Variants in ANXA2 observed in about 807,000 individuals in gnomAD.
ANXA2 encodes annexin A2.
Under a neutral mutation model 47.3 loss-of-function variants are expected in ANXA2, and 28 were observed. That is an observed-to-expected ratio of 0.59 (90% CI 0.44 to 0.81). The LOEUF is 0.81. ANXA2 is among the 40% of genes least tolerant of loss of function. The pLI, the probability that ANXA2 is intolerant of heterozygous loss-of-function variation, is 0.00. For synonymous variants in ANXA2, 172 were observed against 155.5 expected (o/e 1.11, Z -0.79); for missense variants, 384 against 414.3 (o/e 0.93, Z 0.64).
intron 1 of ANXA2, 80 bp from the exon 2 acceptor site, chr15:60,386,166 T>C: frequency 1.0e-6 from 1 of 989,890 alleles, no homozygotes; most frequent in Non-Finnish European, 1.6e-6. Context: ...TATGCTAATT[T>C]CTACTCCTTG....
At chr15:60,388,414 T>C (rs1389097955) in intron 1 of ANXA2, among the ~76,000 whole-genome samples, 1 of 152,194 alleles carries the variant, frequency 6.6e-6, no homozygotes, top group Non-Finnish European at 1.5e-5. Flanking sequence ...GGTCTTGCTA[T>C]GTTGCCCAGG....
At chr15:60,382,251 G>A (rs1451186350) in intron 3 of ANXA2, 91 bp downstream of exon 3, 7 of 951,720 alleles carry the variant, frequency 7.4e-6, no homozygotes, top group African/African-American at 1.6e-5. Flanking sequence ...ATTTCAAATC[G>A]CCAACGTATG....
chr15:60,387,195 G>C (rs932489635), intron 1 of ANXA2: 2 of 152,162 alleles, frequency 1.3e-5, no homozygotes, highest in African/African-American at 4.8e-5. Flanking sequence ...GAGAGGATTC[G>C]CCTTTAGTTG....
At chr15:60,363,396 G>A (rs1450039118) in intron 4 of ANXA2, among the ~76,000 whole-genome samples, 1 of 152,124 alleles carries the variant, frequency 6.6e-6, no homozygotes, top group Non-Finnish European at 1.5e-5. Context: ...CAACTCCCAG[G>A]ACCCTGCTGG....
intron 1 of ANXA2, among the ~76,000 whole-genome samples, chr15:60,391,737 A>G (rs2063013989): frequency 1.3e-5 from 2 of 152,060 alleles, no homozygotes; most frequent in African/African-American, 4.8e-5. Flanking sequence ...ACCTCTACTC[A>G]CTCCTCATCA....
In ANXA2 at chr15:60,386,104, C is replaced by T. The variant is rs1419109063; in HGVS notation, c.-11-18G>A. On this transcript the variant is annotated intron_variant, in intron 1 of 12. Transcript: ENST00000451270. ...GAAGGAAGCTGGAAAAAAAGTACAA[C>T]AAAAAGTCTTTATGAAGAGGCTCTC... 2 of 1,590,308 alleles carry T rather than the reference C, an allele frequency of 1.3e-6. No homozygotes were observed. The highest frequency in any genetic ancestry group is 1.7e-6 in the Non-Finnish European group (2 of 1,160,514).
chr15:60,380,842 G>A (rs1011659012), intron 3 of ANXA2, among the ~76,000 whole-genome samples: 2 of 149,514 alleles, frequency 1.3e-5, no homozygotes, highest in African/African-American at 2.5e-5. Flanking sequence ...TTTTTTAAAG[G>A]TCTAATTTGG....
chr15:60,371,031 A>T (rs1465951739), intron 3 of ANXA2, among the ~76,000 whole-genome samples: 2 of 152,180 alleles, frequency 1.3e-5, no homozygotes, highest in African/African-American at 4.8e-5. Context: ...CAGATTTTTT[A>T]CAATTTTTTT....
At position 60,357,184 on chromosome 15, in the gene ANXA2, T is replaced by C; in HGVS notation, c.410A>G (p.Asn137Ser). The C allele has an allele frequency of 1.2e-6, 2 of 1,614,206 alleles. No individual in the cohort carries two copies. The highest frequency in any genetic ancestry group is 1.7e-6 in the Non-Finnish European group (2 of 1,180,044). ...TCTGTTAATTTCCTGCAGCTCCTGG[T>C]TGGTTCTGGAGCAGATGATCTCAAT... ...SLIEIICSRT[N>S]QELQEINRVY... Residue 137 changes from asparagine (N) to serine (S), a missense_variant, in exon 6 of 13, where the codon AAC (asparagine) becomes AGC (serine). By Grantham distance (46) the Asn-to-Ser change is conservative. Transcript: ENST00000451270.
intron 3 of ANXA2, among the ~76,000 whole-genome samples, chr15:60,374,933 G>C (rs951529358): frequency 2.0e-5 from 3 of 152,362 alleles, no homozygotes; most frequent in Admixed American, 6.5e-5. Context: ...ACTCAGACCT[G>C]CTCTTGTTGG....
In ANXA2 at chr15:60,352,166, A is replaced by G. The variant is rs2062359646; in HGVS notation, c.682+217T>C. 6.6e-6 allele frequency among the ~76,000 whole-genome samples: 1 copy of G among 152,226 alleles called. No homozygotes were observed. Among genetic ancestry groups the G allele is most frequent in the Non-Finnish European group, 1.5e-5 (1 of 68,038 alleles). On this transcript the variant is annotated intron_variant, in intron 9 of 12. Coordinates refer to ENST00000451270, the MANE Select transcript of ANXA2 (RefSeq NM_004039.3). This position sits in a 1 kb window ranked among gnomAD's most constrained non-coding sequence, Gnocchi z 4.2. Reference sequence around the variant, plus strand: ...GGCAAGACCAAATGATCATCAAACAAGAAGGAGCTGCAGAATAAAGCACCA... The same window carrying G: ...GGCAAGACCAAATGATCATCAAACAGGAAGGAGCTGCAGAATAAAGCACCA...
chr15:60,374,980 G>A (rs1261171891), intron 3 of ANXA2, among the ~76,000 whole-genome samples: 1 of 152,204 alleles, frequency 6.6e-6, no homozygotes, highest in Non-Finnish European at 1.5e-5. Flanking sequence ...TTAGAGGAGA[G>A]AGGCTACTTT....
At position 60,351,400 on chromosome 15, in the gene ANXA2, T is replaced by C. The variant is rs748858842; in HGVS notation, c.779-149A>G. On this transcript the variant is annotated intron_variant, in intron 10 of 12. Coordinates refer to ENST00000451270, the MANE Select transcript of ANXA2 (RefSeq NM_004039.3). ...AAAATAGGACAGGCTAAGGGAAATC[T>C]AGAAATCCTCTGCAATACTAAGTTC... is the stretch of plus-strand genomic sequence containing the variant. The C allele has an allele frequency of 4.3e-4, 326 of 756,382 alleles. 2 individuals are homozygous for C. Among genetic ancestry groups the C allele is most frequent in the Non-Finnish European group, 5.9e-4 (270 of 457,170 alleles). The allele number at this position is 756,382 out of a possible 1,614,324, so 46.9% of individuals were successfully genotyped here. A position where few individuals can be genotyped will look rare whatever the true frequency, so the allele number is the denominator to read the frequency against.
intron 11 of ANXA2, 65 bp downstream of exon 11, chr15:60,351,128 A>G: frequency 1.9e-6 from 3 of 1,559,020 alleles, no homozygotes; most frequent in African/African-American, 1.4e-5. Flanking sequence ...AGGAGACTCA[A>G]TTTGGGACCC....
rs930343378 is a variant in ANXA2 at position 60,393,643 on chromosome 15, A to G, written c.-12+4300T>C. 13 of 985,446 alleles carry G rather than the reference A, an allele frequency of 1.3e-5. No individual in the cohort carries two copies. The African/African-American group carries it at 1.9e-4, about 15-fold the overall frequency. The allele number at this position is 985,446 out of a possible 1,614,324, so 61.0% of individuals were successfully genotyped here. A position where few individuals can be genotyped will look rare whatever the true frequency, so the allele number is the denominator to read the frequency against. On this transcript the variant is annotated intron_variant, in intron 1 of 12. Coordinates refer to ENST00000451270, the MANE Select transcript of ANXA2 (RefSeq NM_004039.3). Reference sequence around the variant, plus strand: ...GGAACCTCAATCTTAATTAGCTGACATCTGAATGAGTCTTTAGGATACAGG... The same window carrying G: ...GGAACCTCAATCTTAATTAGCTGACGTCTGAATGAGTCTTTAGGATACAGG...
chr15:60,358,718 A>G (rs2062469814), intron 5 of ANXA2, among the ~76,000 whole-genome samples: 4 of 152,232 alleles, frequency 2.6e-5, no homozygotes, highest in Admixed American at 2.6e-4. Context: ...CATTCTACAC[A>G]AATGTTATTA....
chr15:60,364,147 C>G (rs1032005876), intron 4 of ANXA2, among the ~76,000 whole-genome samples: 1 of 152,212 alleles, frequency 6.6e-6, no homozygotes, highest in Non-Finnish European at 1.5e-5. Context: ...GAGATTCTCA[C>G]AGAAGCGCGA....
intron 11 of ANXA2, among the ~76,000 whole-genome samples, chr15:60,350,933 G>A (rs963955936): frequency 6.6e-6 from 1 of 152,164 alleles, no homozygotes; most frequent in Non-Finnish European, 1.5e-5. Context: ...GATCAGACAC[G>A]ACTACCATGT....
chr15:60,393,704 TTGCCCTG>T (rs2063044400), intron 1 of ANXA2: 1 of 984,514 alleles, frequency 1.0e-6, no homozygotes, highest in Non-Finnish European at 1.2e-6. Flanking sequence ...ACACCCCTCC[TTGCCCTG>T]TGCTTCTGCA....
Sources: allele counts gnomAD v4.1 joint callset (sites outside exome capture counted in the v4.1 genomes callset), GRCh38; gene constraint gnomAD v4.1.1; non-coding constraint Gnocchi (gnomAD v3.1); transcripts MANE v1.5; gene names NCBI Gene and HGNC (gene_info 2026-07-23, HGNC 2026-07-21).